The following KCNG2 variants were observed in gnomAD, a reference collection of about 807,000 sequenced individuals.
KCNG2 encodes the protein voltage-gated potassium channel regulatory subunit KCNG2.
KCNG2 carries 7 observed loss-of-function variants against 12.3 expected under a neutral mutation model. The observed-to-expected ratio is 0.57, with a 90% confidence interval of 0.32 to 1.07. The LOEUF (loss-of-function observed/expected upper bound fraction) is 1.07. KCNG2 is among the 50% of genes least tolerant of loss of function. The pLI is 0.04. For synonymous variants in KCNG2, 414 were observed against 351.4 expected, an observed-to-expected ratio of 1.18 and a Z score of -1.99; for missense variants, 703 against 726.0, an observed-to-expected ratio of 0.97 and a Z score of 0.36.
At chr18:79,876,957 C>T (rs1203888171) in intron 3 of KCNG2, among the ~76,000 whole-genome samples, 2 of 152,210 alleles carry the variant, frequency 1.3e-5, no homozygotes, top group African/African-American at 4.8e-5. Flanking sequence ...TCTCCAGACA[C>T]GAAGGCACAA....
intron 2 of KCNG2, among the ~76,000 whole-genome samples, 67 bp downstream of exon 2, chr18:79,856,519 CAG>C (rs1979015220): frequency 6.6e-6 from 1 of 152,202 alleles, no homozygotes; most frequent in African/African-American, 2.4e-5. Flanking sequence ...TTTTCCATTT[CAG>C]AGAGAGGGTC....
intron 1 of KCNG2, among the ~76,000 whole-genome samples, chr18:79,820,958 T>C (rs1338244747): frequency 6.6e-6 from 1 of 152,070 alleles, no homozygotes; most frequent in Non-Finnish European, 1.5e-5. Context: ...CCTTTGCCCA[T>C]TTTTAGATTT....
intron 3 of KCNG2, among the ~76,000 whole-genome samples, chr18:79,868,719 T>C (rs35201860): frequency 0.46 from 69,656 of 152,088 alleles, 18,492 homozygotes; most frequent in Middle Eastern, 0.6. Flanking sequence ...CGTGAGAAGA[T>C]GCTCAGCCTC....
chr18:79,862,437 G>A (rs1444270596), intron 2 of KCNG2, among the ~76,000 whole-genome samples: 1 of 152,178 alleles, frequency 6.6e-6, no homozygotes, highest in Non-Finnish European at 1.5e-5. Context: ...TTTTGCAGAT[G>A]GGCTCTGCGT....
chr18:79,878,017 C>T (rs967017317), intron 3 of KCNG2, among the ~76,000 whole-genome samples: 4 of 152,276 alleles, frequency 2.6e-5, no homozygotes, highest in African/African-American at 9.6e-5. Context: ...TGTCCCCACA[C>T]TGTCCGTCCC....
rs2087405204 is a variant in KCNG2, at chr18:79,800,955, G to A, written c.-115+2941G>A. On this transcript the variant is annotated intron_variant, in intron 1 of 3. Transcript: ENST00000316249. This position sits in a 1 kb window ranked among gnomAD's most constrained non-coding sequence, Gnocchi z 4.0. ...GCCTTTTCACGTGATGGGAGACCAT[G>A]CCAGGCAGCTGCCAACAGTCTGGCC... Among the ~76,000 whole-genome samples, 1 of 152,250 alleles carries A rather than the reference G, an allele frequency of 6.6e-6. No homozygotes were observed. Among genetic ancestry groups the A allele is most frequent in the Non-Finnish European group, 1.5e-5 (1 of 68,044 alleles).
chr18:79,866,302 AGAGTGTGGGTGCTGAGGTCTGGGTGCT>A (rs1183398384), intron 3 of KCNG2, among the ~76,000 whole-genome samples: 3 of 117,692 alleles, frequency 2.5e-5, no homozygotes, highest in African/African-American at 3.4e-5. Context: ...CTGTGTGCTG[AGAGTGTGGGTGCTGAGGTCTGGGTGCT>A]GAGGTCTGTG....
At chr18:79,799,427 G>T (rs962478860) in intron 1 of KCNG2, among the ~76,000 whole-genome samples, 19 of 152,286 alleles carry the variant, frequency 1.2e-4, no homozygotes, top group African/African-American at 4.6e-4. Flanking sequence ...CTAGTTAGAG[G>T]GATGGGATTG....
At chr18:79,805,621 G>A (rs541870549) in intron 1 of KCNG2, among the ~76,000 whole-genome samples, 66 of 151,936 alleles carry the variant, frequency 4.3e-4, no homozygotes, top group South Asian at 8.3e-4. Context: ...TCTCGCCTTC[G>A]GGTCTTCATT....
intron 1 of KCNG2, among the ~76,000 whole-genome samples, chr18:79,807,783 CCGCG>C (rs2087462556): frequency 1.4e-5 from 2 of 144,394 alleles, no homozygotes; most frequent in Admixed American, 6.9e-5. Flanking sequence ...GCTGCCGGGG[CCGCG>C]CTGACCACAC....
chr18:79,826,376 AG>A (rs1978285962), intron 1 of KCNG2, among the ~76,000 whole-genome samples: 1 of 152,196 alleles, frequency 6.6e-6, no homozygotes, highest in Non-Finnish European at 1.5e-5. Context: ...CTCCCTTCCC[AG>A]GCCTGCCCAG....
At chr18:79,843,392 A>G (rs1978524835) in intron 1 of KCNG2, among the ~76,000 whole-genome samples, 1 of 152,232 alleles carries the variant, frequency 6.6e-6, no homozygotes. Flanking sequence ...ATAGCATGAA[A>G]AAATATTAAA....
At chr18:79,873,039 G>A (rs1302722665) in intron 3 of KCNG2, among the ~76,000 whole-genome samples, 1 of 152,172 alleles carries the variant, frequency 6.6e-6, no homozygotes, top group Non-Finnish European at 1.5e-5. Context: ...CTCACAAAAG[G>A]ACCTGCTAGG....
chr18:79,806,424 G>A (rs1420263705), intron 1 of KCNG2, among the ~76,000 whole-genome samples: 1 of 152,198 alleles, frequency 6.6e-6, no homozygotes, highest in Non-Finnish European at 1.5e-5. Flanking sequence ...GTAGTGGATG[G>A]TCTCATGGGT....
intron 3 of KCNG2, among the ~76,000 whole-genome samples, chr18:79,872,279 A>ATTTTTTT (rs1568265416): frequency 9.6e-4 from 46 of 48,088 alleles, no homozygotes; most frequent in East Asian, 3.1e-3. Flanking sequence ...TCAAAGCTTC[A>ATTTTTTT]GTTTTTTTTT....
chr18:79,883,006 T>G (rs1455748496), intron 3 of KCNG2, among the ~76,000 whole-genome samples: 1 of 152,122 alleles, frequency 6.6e-6, no homozygotes, highest in Non-Finnish European at 1.5e-5. Flanking sequence ...ACAGAGCGAG[T>G]GTTCAGCCGG....
chr18:79,855,373 C>T (rs1409571489), intron 1 of KCNG2, among the ~76,000 whole-genome samples: 1 of 152,114 alleles, frequency 6.6e-6, no homozygotes, highest in Non-Finnish European at 1.5e-5. Flanking sequence ...ATGCCAGTCA[C>T]GGTAGTCGTG....
chr18:79,829,861 A>C (rs1377021359), intron 1 of KCNG2, among the ~76,000 whole-genome samples: 2 of 152,210 alleles, frequency 1.3e-5, no homozygotes, highest in Non-Finnish European at 2.9e-5. Context: ...TGATACTCCC[A>C]TCTGTCTAAC....
chr18:79,879,511 T>G (rs1980210679), intron 3 of KCNG2, among the ~76,000 whole-genome samples: 1 of 151,956 alleles, frequency 6.6e-6, no homozygotes, highest in Non-Finnish European at 1.5e-5. Flanking sequence ...GAACCGAGGG[T>G]GAAGAGGATC....
Sources: allele counts gnomAD v4.1 joint callset (sites outside exome capture counted in the v4.1 genomes callset), GRCh38; gene constraint gnomAD v4.1.1; non-coding constraint Gnocchi (gnomAD v3.1); transcripts MANE v1.5; gene names NCBI Gene and HGNC (gene_info 2026-07-23, HGNC 2026-07-21).